PAPPA2: variants seen among roughly 807,000 people sequenced by gnomAD.
PAPPA2 encodes the protein pappalysin 2.
In PAPPA2, 86 loss-of-function variants were observed where a neutral mutation model predicts 176.4. The ratio of observed to expected loss-of-function variants is 0.49; its 90% CI spans 0.41 to 0.58. PAPPA2 has a LOEUF of 0.58. Among genes scored for constraint, PAPPA2 ranks in the 20% least tolerant of loss-of-function variants. The pLI, the probability that PAPPA2 is intolerant of heterozygous loss-of-function variation, is 0.00. For missense variants in PAPPA2, 2,073 were observed against 2,256.9 expected (o/e 0.92, Z 1.65); for synonymous variants, 809 against 852.2 (o/e 0.95, Z 0.88).
intron 3 of PAPPA2, among the ~76,000 whole-genome samples, chr1:176,652,604 C>A (rs774678063): frequency 6.6e-6 from 1 of 151,692 alleles, no homozygotes; most frequent in Admixed American, 6.6e-5. Context: ...GGCTAAGGTA[C>A]AAAGCAGAGT....
chr1:176,781,496 C>G (rs1310415562), intron 17 of PAPPA2, among the ~76,000 whole-genome samples: 2 of 144,676 alleles, frequency 1.4e-5, no homozygotes, highest in African/African-American at 5.1e-5. Context: ...CATCAGGAGA[C>G]CTGGTATTAG....
In PAPPA2 at chr1:176,604,696, A is replaced by C. The variant is rs1206328247; in HGVS notation, c.1991+9101A>C. Among the ~76,000 whole-genome samples the C allele has an allele frequency of 2.0e-5, 3 of 152,232 alleles. No homozygotes were observed. The East Asian group carries it at 5.8e-4, about 29-fold the overall frequency. ...CTTAAATACATATTTATCATACCAT[A>C]CTGTAACTTCCCATTCTTGTCTGTC... On this transcript the variant is annotated intron_variant, in intron 3 of 22. Transcript: ENST00000367662.
intron 21 of PAPPA2, among the ~76,000 whole-genome samples, chr1:176,811,906 C>G (rs757197803): frequency 2.0e-5 from 3 of 152,030 alleles, no homozygotes; most frequent in Non-Finnish European, 4.4e-5. Flanking sequence ...CACCCCTACA[C>G]CCCCTACCTT....
At position 176,595,202 on chromosome 1, in the gene PAPPA2, G is replaced by A; in HGVS notation, c.1598G>A (p.Cys533Tyr). 8 of 1,614,240 alleles carry A rather than the reference G, an allele frequency of 5.0e-6. No homozygotes were observed. Among genetic ancestry groups the A allele is most frequent in the Non-Finnish European group, 6.8e-6 (8 of 1,180,048 alleles). ...KVIRYQVVNI[C>Y]DDEGLNPIVS... ...ATACGCTACCAGGTGGTGAACATCTGTGATGATGAGGGCCTAAACCCCATT... is the reference window on the plus strand; with the variant it reads ...ATACGCTACCAGGTGGTGAACATCTATGATGATGAGGGCCTAAACCCCATT... The change falls in exon 3 of 23, where the codon TGT (cysteine) becomes TAT (tyrosine). Residue 533 changes from cysteine to tyrosine, a missense_variant. Cys to Tyr is a radical substitution (Grantham distance 194). This residue lies in a region of PAPPA2 where 1,196 missense variants were observed against 1,330.4 expected (regional missense o/e 0.90). Coordinates refer to ENST00000367662, the MANE Select transcript of PAPPA2 (RefSeq NM_020318.3).
At chr1:176,550,409 C>T (rs1281322180) in intron 1 of PAPPA2, among the ~76,000 whole-genome samples, 1 of 152,178 alleles carries the variant, frequency 6.6e-6, no homozygotes, top group African/African-American at 2.4e-5. Flanking sequence ...GAAGTATAAA[C>T]CCTGCAGAGC....
At chr1:176,590,679 C>A (rs781352002) in intron 2 of PAPPA2, among the ~76,000 whole-genome samples, 1 of 152,134 alleles carries the variant, frequency 6.6e-6, no homozygotes, top group Admixed American at 6.6e-5. Context: ...TCAGGTAACA[C>A]TTTCAAATAA....
intron 1 of PAPPA2, among the ~76,000 whole-genome samples, chr1:176,504,387 A>G (rs2102513435): frequency 6.6e-6 from 1 of 152,246 alleles, no homozygotes; most frequent in Non-Finnish European, 1.5e-5. Context: ...AGATATATAA[A>G]TATATTCTGT....
intron 2 of PAPPA2, among the ~76,000 whole-genome samples, chr1:176,584,487 G>T (rs1230810216): frequency 6.6e-6 from 1 of 151,584 alleles, no homozygotes; most frequent in East Asian, 1.9e-4. Context: ...CCATTTGCAT[G>T]GAATATTGTT....
At chr1:176,804,232 T>C (rs1665799311) in intron 21 of PAPPA2, among the ~76,000 whole-genome samples, 1 of 152,190 alleles carries the variant, frequency 6.6e-6, no homozygotes, top group Admixed American at 6.6e-5. Context: ...ACTCCCTGTA[T>C]CTTCATGCAT....
Position 176,498,751 on chromosome 1 carries a change from C to CACAAAAAAAAAAAAAAAAAAAAAAAA in PAPPA2, c.-917+35334_-917+35335insCAAAAAAAAAAAAAAAAAAAAAAAAA, listed in dbSNP as rs762510082. 3.2e-4 allele frequency among the ~76,000 whole-genome samples: 36 copies of CACAAAAAAAAAAAAAAAAAAAAAAAA among 112,106 alleles called. 2 individuals are homozygous for CACAAAAAAAAAAAAAAAAAAAAAAAA. The highest frequency in any genetic ancestry group is 5.2e-4 in the Non-Finnish European group (27 of 52,414). 73.5% of individuals were successfully genotyped at this position (112,106 alleles called of 152,430 possible). On this transcript the variant is annotated intron_variant, in intron 1 of 22. Transcript: ENST00000367662. ...GGCGACAGAGCGAGACTCTTACCTC[C>CACAAAAAAAAAAAAAAAAAAAAAAAA]AAAAAAAAAAAAAAAGAAGAAGAAA...
At chr1:176,615,948 A>G (rs1655198192) in intron 3 of PAPPA2, among the ~76,000 whole-genome samples, 1 of 152,200 alleles carries the variant, frequency 6.6e-6, no homozygotes, top group Non-Finnish European at 1.5e-5. Flanking sequence ...ATGTATCGAT[A>G]AGATTCTGGC....
At chr1:176,723,097 T>TA in intron 12 of PAPPA2, among the ~76,000 whole-genome samples, 1 of 152,090 alleles carries the variant, frequency 6.6e-6, no homozygotes, top group East Asian at 1.9e-4. Context: ...ACCAGGGTAG[T>TA]AGGGCAAAAG....
At chr1:176,471,507 T>C (rs181233007) in intron 1 of PAPPA2, among the ~76,000 whole-genome samples, 10 of 152,144 alleles carry the variant, frequency 6.6e-5, no homozygotes, top group African/African-American at 2.4e-4. Flanking sequence ...AGGCAAGCAC[T>C]CGGTTAACCA....
chr1:176,594,128 T>A (rs1439136670), intron 2 of PAPPA2, among the ~76,000 whole-genome samples: 1 of 152,232 alleles, frequency 6.6e-6, no homozygotes, highest in African/African-American at 2.4e-5. Flanking sequence ...ACTACTCTCA[T>A]GGCTTCTGAG....
intron 2 of PAPPA2, among the ~76,000 whole-genome samples, chr1:176,563,555 G>T (rs966725511): frequency 1.3e-5 from 2 of 152,120 alleles, no homozygotes; most frequent in African/African-American, 4.8e-5. Context: ...CTAACTGGTG[G>T]AGGTAAGTAG....
At chr1:176,734,901 G>T in intron 12 of PAPPA2, among the ~76,000 whole-genome samples, 1 of 152,092 alleles carries the variant, frequency 6.6e-6, no homozygotes. Context: ...AAGCTTTTAT[G>T]ACTAAGAGAT....
At chr1:176,497,879 A>G (rs1414026668) in intron 1 of PAPPA2, among the ~76,000 whole-genome samples, 1 of 151,938 alleles carries the variant, frequency 6.6e-6, no homozygotes, top group Non-Finnish European at 1.5e-5. Flanking sequence ...AATTATTTAC[A>G]TTTCTGAGCC....
intron 1 of PAPPA2, among the ~76,000 whole-genome samples, chr1:176,543,945 A>T (rs1650494838): frequency 1.3e-5 from 2 of 152,218 alleles, no homozygotes; most frequent in African/African-American, 4.8e-5. Context: ...GCCAGATGGC[A>T]GGGGTCTGAG....
chr1:176,504,184 A>G (rs10157031), intron 1 of PAPPA2, among the ~76,000 whole-genome samples: 12,042 of 152,042 alleles, frequency 0.079, 591 homozygotes, highest in South Asian at 0.15. Context: ...CTAAGCAGCA[A>G]TTTTTGAAAA....
Sources: gnomAD v4.1 joint callset for allele counts (sites outside exome capture counted in the v4.1 genomes callset) on GRCh38, gnomAD v4.1.1 for gene constraint, gnomAD v4.1.1 regional missense constraint, MANE v1.5 for transcripts, NCBI Gene and HGNC (gene_info 2026-07-23, HGNC 2026-07-21) for gene names.